The following ROPN1L variants were observed in gnomAD, a reference collection of about 807,000 sequenced individuals.
The protein encoded by ROPN1L is rhophilin associated tail protein 1 like.
A neutral mutation model predicts 22.7 loss-of-function variants in ROPN1L; 23 were observed. The ratio of observed to expected loss-of-function variants is 1.01; its 90% CI spans 0.73 to 1.43. The LOEUF is 1.43. ROPN1L is among the 40% of genes most tolerant of loss of function. ROPN1L has a pLI of 0.00. For synonymous variants in ROPN1L, 116 were observed against 117.8 expected (o/e 0.98, Z 0.10); for missense variants, 271 against 291.5 (o/e 0.93, Z 0.51).
intron 3 of ROPN1L, among the ~76,000 whole-genome samples, chr5:10,451,832 G>A (rs1388934537): frequency 6.6e-6 from 1 of 152,176 alleles, no homozygotes; most frequent in African/African-American, 2.4e-5. Flanking sequence ...TGGCACCAGG[G>A]GAGTGTCTCA....
intron 3 of ROPN1L, among the ~76,000 whole-genome samples, chr5:10,455,714 AGG>A (rs1323622129): frequency 9.2e-5 from 14 of 152,012 alleles, no homozygotes; most frequent in African/African-American, 3.4e-4. Flanking sequence ...GTTTTAAATT[AGG>A]AAACTCTAGA....
intron 3 of ROPN1L, among the ~76,000 whole-genome samples, chr5:10,452,790 C>T (rs1741298120): frequency 6.6e-6 from 1 of 152,118 alleles, no homozygotes; most frequent in Non-Finnish European, 1.5e-5. Context: ...ATAGTTTTCA[C>T]CTTCCTAATT....
chr5:10,461,904 C>T (rs964527204), intron 4 of ROPN1L, among the ~76,000 whole-genome samples: 4 of 152,208 alleles, frequency 2.6e-5, no homozygotes, highest in African/African-American at 7.2e-5. Context: ...CTTTTGCCCC[C>T]ATGGAGTTGA....
chr5:10,468,837 A>C (rs912907758), downstream of ROPN1L, among the ~76,000 whole-genome samples: 2 of 152,190 alleles, frequency 1.3e-5, no homozygotes, highest in Non-Finnish European at 1.5e-5. Flanking sequence ...GTCAAAGACA[A>C]TTTTTCCAAT....
chr5:10,478,482 G>C, the ROPN1L span, among the ~76,000 whole-genome samples: 1 of 152,200 alleles, frequency 6.6e-6, no homozygotes, highest in Non-Finnish European at 1.5e-5. Context: ...CTGGCTGGGG[G>C]TGGGGGTCCT....
chr5:10,451,358 C>T (rs898159917), intron 3 of ROPN1L, among the ~76,000 whole-genome samples: 1 of 152,248 alleles, frequency 6.6e-6, no homozygotes, highest in Non-Finnish European at 1.5e-5. Context: ...TCCTGTCCCC[C>T]TGCCTGGTGG....
Position 10,461,304 on chromosome 5 carries a change from T to A in ROPN1L, c.538T>A (p.Ser180Thr). 1 of 1,614,152 alleles carries A rather than the reference T, an allele frequency of 6.2e-7. No homozygotes were observed. Among genetic ancestry groups the A allele is most frequent in the Non-Finnish European group, 8.5e-7 (1 of 1,180,030 alleles). ...TTACCGCTACTTGGCCAGATTAGAC[T>A]CAGATGTGTCTCCCTTGGAGACGGA... The part of the protein sequence containing the change: ...YVYRYLARLD[S>T]DVSPLETESY... Residue 180 changes from serine (S) to threonine (T), a missense_variant, in exon 4 of 5, where the codon TCA (serine) becomes ACA (threonine). Transcript: ENST00000274134.
intron 1 of ROPN1L, among the ~76,000 whole-genome samples, chr5:10,443,230 C>T (rs1327504663): frequency 6.6e-6 from 1 of 152,000 alleles, no homozygotes; most frequent in African/African-American, 2.4e-5. Flanking sequence ...AGAAAAAAAA[C>T]AGCCAAATTT....
At chr5:10,460,213 C>T (rs867131389) in intron 3 of ROPN1L, among the ~76,000 whole-genome samples, 6 of 152,368 alleles carry the variant, frequency 3.9e-5, no homozygotes, top group African/African-American at 1.4e-4. Flanking sequence ...TATGTGTTCT[C>T]TTTTGAAAAG....
At chr5:10,455,778 GGGTTAGAGGCTTTTAAAAACCAGTGCTC>G (rs1741399425) in intron 3 of ROPN1L, among the ~76,000 whole-genome samples, 1 of 151,792 alleles carries the variant, frequency 6.6e-6, no homozygotes, top group African/African-American at 2.4e-5. Context: ...ACGCAGTGCT[GGGTTAGAGGCTTTTAAAAACCAGTGCTC>G]GGTCAGAGGC....
chr5:10,447,135 G>A (rs6859579), intron 1 of ROPN1L, among the ~76,000 whole-genome samples: 2,909 of 152,274 alleles, frequency 0.019, 96 homozygotes, highest in African/African-American at 0.067. Context: ...CTGTGGCCCT[G>A]GTGGATGCTT....
At chr5:10,472,070 A>G (rs1011014980), downstream of ROPN1L, 3 of 152,264 alleles carry the variant, frequency 2.0e-5, no homozygotes, top group Non-Finnish European at 4.4e-5. Flanking sequence ...CTCACAGTGC[A>G]TACGTTGTTT....
At chr5:10,481,695 G>T in the ROPN1L span, among the ~76,000 whole-genome samples, 18 of 152,314 alleles carry the variant, frequency 1.2e-4, no homozygotes, top group African/African-American at 2.6e-4. Flanking sequence ...GGGGTGACGT[G>T]GGGGGCCCAG....
intron 1 of ROPN1L, among the ~76,000 whole-genome samples, chr5:10,446,437 TTGTC>T (rs902397050): frequency 1.3e-5 from 2 of 152,158 alleles, no homozygotes; most frequent in East Asian, 1.9e-4. Context: ...GGCGGGTTGA[TTGTC>T]TGAGCTCAGG....
chr5:10,458,218 C>T (rs1016432758), intron 3 of ROPN1L, among the ~76,000 whole-genome samples: 1 of 151,996 alleles, frequency 6.6e-6, no homozygotes, highest in Admixed American at 6.5e-5. Flanking sequence ...TGCTTTGACA[C>T]AGGAGATTGC....
At chr5:10,465,554 AAAAG>A (rs1735139861), downstream of ROPN1L, among the ~76,000 whole-genome samples, 1 of 151,784 alleles carries the variant, frequency 6.6e-6, no homozygotes, top group South Asian at 2.1e-4. Context: ...AACAAACAAA[AAAAG>A]GGGCTTTTTG....
At chr5:10,446,044 C>A (rs906024362) in intron 1 of ROPN1L, among the ~76,000 whole-genome samples, 1 of 152,222 alleles carries the variant, frequency 6.6e-6, no homozygotes, top group Admixed American at 6.5e-5. Context: ...CCAGCCTCCC[C>A]CTAAGCCTGT....
intron 3 of ROPN1L, among the ~76,000 whole-genome samples, chr5:10,451,996 ATG>A (rs1741270619): frequency 7.7e-6 from 1 of 130,018 alleles, no homozygotes; most frequent in Non-Finnish European, 1.7e-5. Context: ...ATCTAGCTAT[ATG>A]TTTTTTGAGA....
chr5:10,465,820 A>G (rs1735144275), downstream of ROPN1L, among the ~76,000 whole-genome samples: 1 of 152,154 alleles, frequency 6.6e-6, no homozygotes, highest in Non-Finnish European at 1.5e-5. Context: ...CCACTGCACT[A>G]GAGCGAGACT....
Sources: allele counts gnomAD v4.1 joint callset (sites outside exome capture counted in the v4.1 genomes callset), GRCh38; gene constraint gnomAD v4.1.1; transcripts MANE v1.5; gene names NCBI Gene and HGNC (gene_info 2026-07-23, HGNC 2026-07-21).